The following DENND5B variants were observed in gnomAD, a reference collection of about 807,000 sequenced individuals.
The protein encoded by DENND5B is DENN domain containing 5B, also known as DENN domain-containing protein 5B.
DENND5B carries 34 observed loss-of-function variants against 140.6 expected under a neutral mutation model. That is an observed-to-expected ratio of 0.24 (90% CI 0.18 to 0.32). The LOEUF is 0.32. Ranked by LOEUF, DENND5B falls within the 10% of genes least tolerant of loss-of-function variation. The pLI is 1.00. For missense variants in DENND5B, 1,142 were observed against 1,560.2 expected, an observed-to-expected ratio of 0.73 and a Z score of 4.52; for synonymous variants, 551 against 562.1, an observed-to-expected ratio of 0.98 and a Z score of 0.28.
chr12:31,404,674 G>T (rs971770063), intron 14 of DENND5B, among the ~76,000 whole-genome samples: 1 of 150,862 alleles, frequency 6.6e-6, no homozygotes, highest in Admixed American at 6.6e-5. Flanking sequence ...GGCTGGTCTC[G>T]AACTCCTGAA....
chr12:31,450,956 A>T (rs1249395890), intron 5 of DENND5B, among the ~76,000 whole-genome samples: 2 of 152,174 alleles, frequency 1.3e-5, no homozygotes, highest in Non-Finnish European at 2.9e-5. Context: ...CCCCTTAGAA[A>T]TCACAGGACA....
intron 5 of DENND5B, among the ~76,000 whole-genome samples, chr12:31,449,730 A>AGTT (rs1944422047): frequency 4.1e-5 from 1 of 24,400 alleles, no homozygotes; most frequent in African/African-American, 7.2e-5. Context: ...TACACAGATT[A>AGTT]GTTTTTTTTT....
chr12:31,553,444 C>A (rs1381332569), intron 1 of DENND5B, among the ~76,000 whole-genome samples: 1 of 152,144 alleles, frequency 6.6e-6, no homozygotes, highest in Non-Finnish European at 1.5e-5. Flanking sequence ...GTTATAATTT[C>A]TGTTCTTTTA....
chr12:31,456,610 T>C (rs1330776091), intron 4 of DENND5B, among the ~76,000 whole-genome samples: 5 of 152,156 alleles, frequency 3.3e-5, no homozygotes, highest in African/African-American at 1.2e-4. Context: ...GTTTGGCAAA[T>C]GAAAGAATAA....
intron 3 of DENND5B, among the ~76,000 whole-genome samples, chr12:31,466,056 GAC>G (rs1183985356): frequency 2.0e-5 from 3 of 152,196 alleles, no homozygotes; most frequent in East Asian, 1.9e-4. Flanking sequence ...GCAGCACAGA[GAC>G]ACACAGAAAA....
At chr12:31,520,842 TAAC>T (rs66533164) in intron 1 of DENND5B, among the ~76,000 whole-genome samples, 100,699 of 151,084 alleles carry the variant, frequency 0.67, 34,975 homozygotes, top group East Asian at 0.86. Context: ...TAAAAATAGT[TAAC>T]AACAACAACA....
intron 5 of DENND5B, among the ~76,000 whole-genome samples, chr12:31,448,360 C>T (rs1944363764): frequency 6.6e-6 from 1 of 152,134 alleles, no homozygotes; most frequent in African/African-American, 2.4e-5. Flanking sequence ...TGGTCTCGAT[C>T]TCCTGACCTC....
chr12:31,498,519 A>G (rs1946872169), intron 1 of DENND5B, among the ~76,000 whole-genome samples: 1 of 152,204 alleles, frequency 6.6e-6, no homozygotes, highest in Non-Finnish European at 1.5e-5. Flanking sequence ...ATCTAACAAA[A>G]GAAAAGCAAA....
chr12:31,387,594 C>A lies in DENND5B; in HGVS notation c.*9G>T, dbSNP rs1222971276. The stretch of plus-strand genomic sequence containing the variant: ...CAAGGTTTGGACTGAGAGTTTCTAG[C>A]CAGTTGGGTTACACATCCACTCCTT... On this transcript the variant is annotated 3_prime_UTR_variant, in exon 21 of 21. Coordinates refer to ENST00000389082, the MANE Select transcript of DENND5B (RefSeq NM_144973.4). The A allele has an allele frequency of 3.1e-6, 5 of 1,609,918 alleles. No individual in the cohort carries two copies. The highest frequency in any genetic ancestry group is 4.2e-6 in the Non-Finnish European group (5 of 1,177,034).
At chr12:31,549,713 A>C (rs1948976680) in intron 1 of DENND5B, among the ~76,000 whole-genome samples, 1 of 151,944 alleles carries the variant, frequency 6.6e-6, no homozygotes, top group Non-Finnish European at 1.5e-5. Flanking sequence ...CCCAACCTCC[A>C]ACAGACCCCA....
At chr12:31,474,897 A>T (rs1945723175) in intron 3 of DENND5B, among the ~76,000 whole-genome samples, 3 of 152,192 alleles carry the variant, frequency 2.0e-5, no homozygotes, top group Non-Finnish European at 4.4e-5. Context: ...TTCGCATGAC[A>T]CCTTTACAAT....
chr12:31,506,376 T>G (rs1472138415), intron 1 of DENND5B: 1 of 152,206 alleles, frequency 6.6e-6, no homozygotes, highest in Non-Finnish European at 1.5e-5. Flanking sequence ...AATGAATTAG[T>G]TATCAACACC....
chr12:31,577,710 CAAAAAAAAA>C (rs35015214), intron 1 of DENND5B, among the ~76,000 whole-genome samples: 6 of 70,498 alleles, frequency 8.5e-5, no homozygotes, highest in African/African-American at 1.1e-4. Context: ...GACTCTGTCT[CAAAAAAAAA>C]AAAAAAAAAA....
rs560967030 is a variant in DENND5B, at chr12:31,448,401, C to T, written c.1630-632G>A. Among the ~76,000 whole-genome samples, 8 of 152,340 alleles carry T rather than the reference C, an allele frequency of 5.3e-5. No homozygotes were observed. The South Asian group carries it at 1.4e-3, about 28-fold the overall frequency. Reference sequence around the variant, plus strand: ...CCGCCCGCCTCGGCCTCCCAAAGTGCTGGGATTACAGGCGTGAGCCACCGC... The same window carrying T: ...CCGCCCGCCTCGGCCTCCCAAAGTGTTGGGATTACAGGCGTGAGCCACCGC... On this transcript the variant is annotated intron_variant, in intron 5 of 20. Coordinates refer to ENST00000389082, the MANE Select transcript of DENND5B (RefSeq NM_144973.4).
At chr12:31,548,743 C>T (rs563698862) in intron 1 of DENND5B, among the ~76,000 whole-genome samples, 4 of 152,180 alleles carry the variant, frequency 2.6e-5, no homozygotes, top group Admixed American at 6.5e-5. Context: ...AACAAGTGTG[C>T]TTTCAAGGAG....
intron 1 of DENND5B, among the ~76,000 whole-genome samples, chr12:31,505,813 G>A (rs774976701): frequency 2.6e-5 from 4 of 151,970 alleles, no homozygotes; most frequent in African/African-American, 4.8e-5. Context: ...TAATATTAAA[G>A]TTTATTTTAA....
At chr12:31,572,539 CAAAAAAAAA>C (rs10531167) in intron 1 of DENND5B, among the ~76,000 whole-genome samples, 3 of 135,436 alleles carry the variant, frequency 2.2e-5, no homozygotes, top group Non-Finnish European at 3.2e-5. Context: ...TACTCTTTCT[CAAAAAAAAA>C]AAAAAAAAAA....
chr12:31,453,685 A>G (rs1944640591), intron 4 of DENND5B, among the ~76,000 whole-genome samples: 1 of 152,178 alleles, frequency 6.6e-6, no homozygotes, highest in Non-Finnish European at 1.5e-5. Flanking sequence ...ACCCCCAGGC[A>G]CCAAGGGGAA....
chr12:31,515,469 T>C (rs1403298078), intron 1 of DENND5B, among the ~76,000 whole-genome samples: 4 of 152,358 alleles, frequency 2.6e-5, no homozygotes, highest in African/African-American at 9.6e-5. Flanking sequence ...ATTTTGTACT[T>C]CTGTAAGACC....
Sources: gnomAD v4.1 joint callset for allele counts (sites outside exome capture counted in the v4.1 genomes callset) on GRCh38, gnomAD v4.1.1 for gene constraint, MANE v1.5 for transcripts, NCBI Gene and HGNC (gene_info 2026-07-23, HGNC 2026-07-21) for gene names.